Variants in HSPA12A observed in about 807,000 individuals in gnomAD.
HSPA12A encodes the protein heat shock 70 kDa protein 12A.
A neutral mutation model predicts 69.2 loss-of-function variants in HSPA12A; 28 were observed. The ratio of observed to expected loss-of-function variants is 0.40; its 90% confidence interval spans 0.30 to 0.55. HSPA12A has a LOEUF of 0.55. HSPA12A is among the 20% of genes least tolerant of loss of function. The pLI is 0.38. For missense variants in HSPA12A, 686 were observed against 900.7 expected, an observed-to-expected ratio of 0.76 and a Z score of 3.05; for synonymous variants, 345 against 370.5, an observed-to-expected ratio of 0.93 and a Z score of 0.79.
chr10:116,757,908 C>T (rs1554888946), intron 2 of HSPA12A, among the ~76,000 whole-genome samples: 1 of 152,170 alleles, frequency 6.6e-6, no homozygotes, highest in East Asian at 1.9e-4. Context: ...GAGATATGTG[C>T]ATATAAAATT....
At chr10:116,811,289 G>C (rs1221979918) in intron 2 of HSPA12A, among the ~76,000 whole-genome samples, 1 of 152,178 alleles carries the variant, frequency 6.6e-6, no homozygotes, top group Non-Finnish European at 1.5e-5. Flanking sequence ...GGAGCTGAGA[G>C]AGACTGAGGC....
intron 2 of HSPA12A, among the ~76,000 whole-genome samples, chr10:116,816,901 A>C (rs750561198): frequency 1.1e-4 from 17 of 152,176 alleles, no homozygotes; most frequent in Non-Finnish European, 2.4e-4. Flanking sequence ...CTGGTGGGGA[A>C]ATCAATCCTT....
chr10:116,690,555 G>A (rs1449973505), intron 6 of HSPA12A, among the ~76,000 whole-genome samples: 2 of 152,206 alleles, frequency 1.3e-5, no homozygotes, highest in Non-Finnish European at 2.9e-5. Context: ...CGAGGAAACA[G>A]CATGTCTCTG....
At chr10:116,709,968 T>G (rs1850374777) in intron 1 of HSPA12A, among the ~76,000 whole-genome samples, 1 of 152,254 alleles carries the variant, frequency 6.6e-6, no homozygotes, top group East Asian at 1.9e-4. Flanking sequence ...GAATTGCTAT[T>G]AGCCGTGGGC....
intron 2 of HSPA12A, among the ~76,000 whole-genome samples, chr10:116,791,086 G>A (rs1434281194): frequency 1.3e-5 from 2 of 152,184 alleles, no homozygotes; most frequent in African/African-American, 4.8e-5. Context: ...GTTACAAGCT[G>A]CACAGGAGCA....
At chr10:116,816,635 G>A (rs1626678) in intron 2 of HSPA12A, among the ~76,000 whole-genome samples, 60,850 of 152,006 alleles carry the variant, frequency 0.4, 12,955 homozygotes, top group Non-Finnish European at 0.48. Flanking sequence ...AAACAGCCCC[G>A]ACATCCAATT....
In HSPA12A at chr10:116,707,578, C is replaced by T. The variant is rs150467058; in HGVS notation, c.41-293G>A. On this transcript the variant is annotated intron_variant, in intron 1 of 11. Transcript: ENST00000369209. ...TTAGTTGGAGATGCTGGTCAGTCCC[C>T]GAAAGCTCCGCTCCTGGCTGTGTTG... 2.4e-3 allele frequency among the ~76,000 whole-genome samples: 371 copies of T among 152,350 alleles called. 4 individuals carry two copies. The highest frequency in any genetic ancestry group is 0.017 in the Admixed American group (256 of 15,308).
chr10:116,817,447 G>A (rs773603044), intron 2 of HSPA12A, among the ~76,000 whole-genome samples: 7 of 146,436 alleles, frequency 4.8e-5, no homozygotes, highest in Admixed American at 6.9e-5. Flanking sequence ...TCCTGATGCC[G>A]TCAAGTTCAG....
chr10:116,725,468 C>T (rs146451671), intron 1 of HSPA12A, among the ~76,000 whole-genome samples: 7 of 152,260 alleles, frequency 4.6e-5, no homozygotes, highest in East Asian at 3.9e-4. Context: ...GGGAGGACTG[C>T]GTGGCCCCCA....
chr10:116,708,613 AC>A (rs1850331899), intron 1 of HSPA12A, among the ~76,000 whole-genome samples: 1 of 152,016 alleles, frequency 6.6e-6, no homozygotes, highest in Non-Finnish European at 1.5e-5. Flanking sequence ...GCCACCTCCC[AC>A]TCTCTGCAAG....
At chr10:116,829,323 TGA>T (rs1227117603) in intron 2 of HSPA12A, 1 of 153,322 alleles carries the variant, frequency 6.5e-6, no homozygotes, top group Non-Finnish European at 1.4e-5. Flanking sequence ...TGTGGAAATG[TGA>T]GTCCATTAAA....
chr10:116,686,691 G>A lies in HSPA12A; in HGVS notation c.664-2729C>T, dbSNP rs1481316877. 6.6e-6 allele frequency among the ~76,000 whole-genome samples: 1 copy of A among 152,118 alleles called. No individual in the cohort carries two copies. Among genetic ancestry groups the A allele is most frequent in the African/African-American group, 2.4e-5 (1 of 41,428 alleles). ...ACGGCAGCAGGGACAGGGATGGGAAGGGAGAAAGGGTGGCATAAGCTCCGC... is the reference window on the plus strand; with the variant it reads ...ACGGCAGCAGGGACAGGGATGGGAAAGGAGAAAGGGTGGCATAAGCTCCGC... On this transcript the variant is annotated intron_variant, in intron 6 of 11. Transcript: ENST00000369209. This position sits in a 1 kb window ranked among gnomAD's most constrained non-coding sequence, Gnocchi z 4.1.
intron 1 of HSPA12A, among the ~76,000 whole-genome samples, chr10:116,714,734 C>T (rs979719151): frequency 5.9e-5 from 9 of 152,216 alleles, no homozygotes; most frequent in Non-Finnish European, 1.2e-4. Flanking sequence ...TCCACCCCAC[C>T]TTCCTCTGCA....
At chr10:116,820,171 C>G (rs1283428553) in intron 2 of HSPA12A, among the ~76,000 whole-genome samples, 2 of 151,894 alleles carry the variant, frequency 1.3e-5, no homozygotes, top group African/African-American at 4.8e-5. Context: ...GAGTCAGTAC[C>G]ATTAGAATTA....
intron 2 of HSPA12A, among the ~76,000 whole-genome samples, chr10:116,760,914 C>T (rs765423750): frequency 4.0e-5 from 6 of 151,722 alleles, no homozygotes; most frequent in Non-Finnish European, 5.9e-5. Context: ...AGGATAACAA[C>T]GGAGATAAAG....
At chr10:116,700,896 G>T in intron 4 of HSPA12A, 47 bp downstream of exon 4, 1 of 1,583,762 alleles carries the variant, frequency 6.3e-7, no homozygotes, top group South Asian at 1.1e-5. Context: ...GAGGAAGCTT[G>T]GCACTCCATT....
intron 1 of HSPA12A, among the ~76,000 whole-genome samples, chr10:116,726,044 C>T (rs963860705): frequency 2.0e-5 from 3 of 150,680 alleles, no homozygotes; most frequent in African/African-American, 7.5e-5. Context: ...CACACACACA[C>T]ACACACACAC....
chr10:116,791,334 T>C (rs1047959907), intron 2 of HSPA12A, among the ~76,000 whole-genome samples: 1 of 152,204 alleles, frequency 6.6e-6, no homozygotes, highest in Non-Finnish European at 1.5e-5. Context: ...CAGAACCTTT[T>C]CAATGCAACC....
Position 116,708,517 on chromosome 10 carries a change from G to A in HSPA12A, c.41-1232C>T, listed in dbSNP as rs79305029. Among the ~76,000 whole-genome samples the A allele has an allele frequency of 5.8e-4, 89 of 152,226 alleles. 2 individuals are homozygous for A. The East Asian group carries it at 0.016, about 28-fold the overall frequency. On this transcript the variant is annotated intron_variant, in intron 1 of 11. Coordinates refer to ENST00000369209, the MANE Select transcript of HSPA12A (RefSeq NM_025015.3). ...ACTTTTTCTACTTGATGAGGACTCA[G>A]GCAGCATCATTACAGTGGGCACCAA...
Sources: gnomAD v4.1 joint callset for allele counts (sites outside exome capture counted in the v4.1 genomes callset) on GRCh38, gnomAD v4.1.1 for gene constraint, Gnocchi (gnomAD v3.1) non-coding constraint, MANE v1.5 for transcripts, NCBI Gene and HGNC (gene_info 2026-07-23, HGNC 2026-07-21) for gene names.